The following ADAMDEC1 variants were observed in gnomAD, a reference collection of about 807,000 sequenced individuals.
ADAMDEC1 encodes ADAM DEC1.
Under a neutral mutation model 60.4 loss-of-function variants are expected in ADAMDEC1, and 62 were observed. That is an observed-to-expected ratio of 1.03 (90% CI 0.84 to 1.27). The LOEUF (loss-of-function observed/expected upper bound fraction) is 1.27. Ranked by LOEUF, ADAMDEC1 falls within the 50% of genes most tolerant of loss-of-function variation. The pLI is 0.00. For synonymous variants in ADAMDEC1, 210 were observed against 195.1 expected (o/e 1.08, Z -0.64); for missense variants, 595 against 565.0 (o/e 1.05, Z -0.54).
chr8:24,384,435 A>T lies in ADAMDEC1; in HGVS notation c.-70A>T. The T allele has an allele frequency of 7.7e-7, 1 of 1,303,080 alleles. No individual in the cohort carries two copies. The highest frequency in any genetic ancestry group is 1.0e-6 in the Non-Finnish European group (1 of 957,292). The allele number at this position is 1,303,080 out of a possible 1,614,324, so 80.7% of individuals were successfully genotyped here. A position where few individuals can be genotyped will look rare whatever the true frequency, so the allele number is the denominator to read the frequency against. ...ATCTCACACGAAAAGTGGGGGTTTT[A>T]ATTTTCTTGTTCAACTTCTAAAGAG... On this transcript the variant is annotated 5_prime_UTR_variant, in exon 1 of 14. Transcript: ENST00000256412.
At chr8:24,384,690 G>GACCATAA in intron 1 of ADAMDEC1, 98 bp downstream of exon 1, 3 of 1,094,422 alleles carry the variant, frequency 2.7e-6, no homozygotes, top group Non-Finnish European at 3.9e-6. Flanking sequence ...TTTTATGGTC[G>GACCATAA]AAAGACCATT....
rs766346184 is a variant in ADAMDEC1, at chr8:24,397,772, G to A, written c.690+27G>A. On this transcript the variant is annotated intron_variant, in intron 7 of 13. Coordinates refer to ENST00000256412, the MANE Select transcript of ADAMDEC1 (RefSeq NM_014479.3). ...TGAGTATGAAACACACGGCCCTCTC[G>A]GCCAGTTCAGTCACCCTTTAAGTTT... 1.7e-5 allele frequency: 28 copies of A among 1,600,804 alleles called. No homozygotes were observed. In the African/African-American group the frequency reaches 2.8e-4, roughly 16 times the overall value.
intron 11 of ADAMDEC1, 40 bp from the exon 12 acceptor site, chr8:24,401,875 C>T (rs759418144): frequency 2.0e-6 from 3 of 1,481,650 alleles, no homozygotes; most frequent in South Asian, 2.4e-5. Flanking sequence ...GAAGGCACCA[C>T]ACTGTATATC....
chr8:24,403,975 CT>C, intron 12 of ADAMDEC1, 27 bp from the exon 13 acceptor site: 2 of 1,596,704 alleles, frequency 1.3e-6, no homozygotes, highest in Non-Finnish European at 1.7e-6. Context: ...TTGAACCCAC[CT>C]TTTTCCATTG....
rs1378444449 is a variant in ADAMDEC1 at position 24,404,038 on chromosome 8, T to A, written c.1356T>A (p.Cys452Ter). ...ATCTCTGCTGTGAAGCCCTAACGTG[T>A]AAACTGAAGCCTGGAACTGATTGCG... ...CTNLCCEALT[C>*]KLKPGTDCGG... The change falls in exon 13 of 14, where the codon TGT (cysteine) becomes TGA (stop). Residue 452 changes from cysteine (C) to a stop codon, truncating the protein, a stop_gained. Coordinates refer to ENST00000256412, the MANE Select transcript of ADAMDEC1 (RefSeq NM_014479.3). LOFTEE classifies it low-confidence loss of function (END_TRUNC). 1 of 1,613,780 alleles carries A rather than the reference T, an allele frequency of 6.2e-7. No homozygotes were observed. Among genetic ancestry groups the A allele is most frequent in the Admixed American group, 1.7e-5 (1 of 59,992 alleles).
At chr8:24,401,358 AT>A (rs1817761340) in intron 11 of ADAMDEC1, among the ~76,000 whole-genome samples, 1 of 152,216 alleles carries the variant, frequency 6.6e-6, no homozygotes, top group African/African-American at 2.4e-5. Context: ...GGATCTTCTT[AT>A]ATTCCCATCA....
In ADAMDEC1 at chr8:24,384,395, A is replaced by T; in HGVS notation, c.-110A>T. 2.3e-6 allele frequency: 2 copies of T among 864,314 alleles called. No homozygotes were observed. Among genetic ancestry groups the T allele is most frequent in the Non-Finnish European group, 3.5e-6 (2 of 575,332 alleles). The allele number at this position is 864,314 out of a possible 1,614,324, so 53.5% of individuals were successfully genotyped here. A position where few individuals can be genotyped will look rare whatever the true frequency, so the allele number is the denominator to read the frequency against. ...TTTTTGACAATTTCCCAACACTCTT[A>T]AGAAACATTCCCCAATCTCACACGA... On this transcript the variant is annotated 5_prime_UTR_variant, in exon 1 of 14. Coordinates refer to ENST00000256412, the MANE Select transcript of ADAMDEC1 (RefSeq NM_014479.3).
chr8:24,387,490 A>T (rs1049001713), intron 1 of ADAMDEC1: 1 of 152,110 alleles, frequency 6.6e-6, no homozygotes, highest in South Asian at 2.1e-4. Flanking sequence ...CTTGTGCATG[A>T]TGTTAAGATT....
At position 24,399,386 on chromosome 8, in the gene ADAMDEC1, C is replaced by T. The variant is rs768825519; in HGVS notation, c.930-7C>T. 52 of 1,613,058 alleles carry T rather than the reference C, an allele frequency of 3.2e-5. No homozygotes were observed. Among genetic ancestry groups the T allele is most frequent in the Non-Finnish European group, 4.3e-5 (51 of 1,179,238 alleles). ...TGTGACAGTAGTATCTGTAACTTTT[C>T]ATACAGCGGGATTAGCTTCAACAAT... On this transcript the variant is annotated splice_polypyrimidine_tract_variant and splice_region_variant and intron_variant, in intron 9 of 13. Transcript: ENST00000256412.
rs1401817128 is a variant in ADAMDEC1 at position 24,395,758 on chromosome 8, G to T, written c.402G>T (p.Lys134Asn). 2.5e-6 allele frequency: 4 copies of T among 1,613,528 alleles called. No individual in the cohort carries two copies. The South Asian group carries it at 3.3e-5, about 13-fold the overall frequency. Reference protein sequence around the residue: ...CYYKGNILNEKNSVASISTCD... With the variant: ...CYYKGNILNENNSVASISTCD... Reference sequence around the variant, plus strand: ...ATAAAGGAAACATCCTAAATGAAAAGAATTCTGTTGCCAGCATCAGTACTT... The same window carrying T: ...ATAAAGGAAACATCCTAAATGAAAATAATTCTGTTGCCAGCATCAGTACTT... The change falls in exon 5 of 14, where the codon AAG becomes AAT. Residue 134 changes from lysine to asparagine, a missense_variant. Transcript: ENST00000256412.
chr8:24,393,134 TA>T, intron 2 of ADAMDEC1, 127 bp from the exon 3 acceptor site: 1 of 580,564 alleles, frequency 1.7e-6, no homozygotes, highest in Non-Finnish European at 2.9e-6. Flanking sequence ...TTACATATTT[TA>T]AAAACACAAA....
chr8:24,386,248 T>C (rs1176443817), intron 1 of ADAMDEC1, among the ~76,000 whole-genome samples: 2 of 152,200 alleles, frequency 1.3e-5, no homozygotes, highest in African/African-American at 2.4e-5. Context: ...TTATACCTGG[T>C]AATGTTCTTA....
intron 4 of ADAMDEC1, among the ~76,000 whole-genome samples, chr8:24,394,741 T>TAAA (rs142565980): frequency 1.3e-5 from 2 of 150,938 alleles, no homozygotes; most frequent in African/African-American, 4.9e-5. Flanking sequence ...TTTCTCTATA[T>TAAA]AAAAAAAAAG....
Position 24,405,272 on chromosome 8 carries a change from T to C in ADAMDEC1, c.1407-20T>C, listed in dbSNP as rs772658901. On this transcript the variant is annotated intron_variant, in intron 13 of 13. Coordinates refer to ENST00000256412, the MANE Select transcript of ADAMDEC1 (RefSeq NM_014479.3). ...CTTGTAATAACCCTGGCTTCCAAAT[T>C]TTATTTTTCCTTCAATCAGAGAGTG... The C allele has an allele frequency of 6.2e-7, 1 of 1,611,574 alleles. No individual in the cohort carries two copies. Among genetic ancestry groups the C allele is most frequent in the East Asian group, 2.2e-5 (1 of 44,672 alleles).
intron 10 of ADAMDEC1, among the ~76,000 whole-genome samples, 184 bp downstream of exon 10, chr8:24,399,658 T>A (rs1817711488): frequency 6.6e-6 from 1 of 152,200 alleles, no homozygotes; most frequent in East Asian, 1.9e-4. Context: ...TTTCCTTACA[T>A]CAGCCTTGCT....
rs141146768 is a variant in ADAMDEC1 at position 24,399,430 on chromosome 8, G to C, written c.967G>C (p.Ala323Pro). The C allele has an allele frequency of 6.2e-7, 1 of 1,613,870 alleles. No homozygotes were observed. Among genetic ancestry groups the C allele is most frequent in the Non-Finnish European group, 8.5e-7 (1 of 1,179,936 alleles). Residue 323 changes from alanine to proline, a missense_variant, in exon 10 of 14, where the codon GCT becomes CCT. Physicochemically the swap from Ala to Pro is conservative, Grantham distance 27. Transcript: ENST00000256412. ...CAACAATCGACGTGTGGGACTGGCA[G>C]CTTCAAATTCCTTGTGTTCCCCATC... is the stretch of plus-strand genomic sequence containing the variant. Reference protein sequence around the residue: ...SFNNRRVGLAASNSLCSPSSV... With the variant: ...SFNNRRVGLAPSNSLCSPSSV...
chr8:24,389,944 A>G (rs968426783), intron 1 of ADAMDEC1, among the ~76,000 whole-genome samples: 3 of 152,182 alleles, frequency 2.0e-5, no homozygotes, highest in Admixed American at 2.0e-4. Context: ...CAGCATTCAC[A>G]ATCTCCTTTA....
chr8:24,384,484 C>T lies in ADAMDEC1; in HGVS notation c.-21C>T, dbSNP rs779844796. On this transcript the variant is annotated 5_prime_UTR_variant, in exon 1 of 14. Transcript: ENST00000256412. ...AGAAATTGGAGAAGATAAAACTGGACACTGGGGAGACCACAACTTCATGCT... is the reference window on the plus strand; with the variant it reads ...AGAAATTGGAGAAGATAAAACTGGATACTGGGGAGACCACAACTTCATGCT... 25 of 1,580,624 alleles carry T rather than the reference C, an allele frequency of 1.6e-5. No individual in the cohort carries two copies. Among genetic ancestry groups the T allele is most frequent in the Non-Finnish European group, 2.1e-5 (24 of 1,162,318 alleles).
chr8:24,398,725 A>T, intron 8 of ADAMDEC1, 149 bp from the exon 9 acceptor site: 1 of 981,934 alleles, frequency 1.0e-6, no homozygotes, highest in Non-Finnish European at 1.5e-6. Flanking sequence ...CATGCATGGC[A>T]ACAAAGACAA....
Sources: allele counts gnomAD v4.1 joint callset (sites outside exome capture counted in the v4.1 genomes callset), GRCh38; gene constraint gnomAD v4.1.1; transcripts MANE v1.5; gene names NCBI Gene and HGNC (gene_info 2026-07-23, HGNC 2026-07-21).